The following GRIK3 variants were observed in gnomAD, a reference collection of about 807,000 sequenced individuals.
GRIK3 encodes the protein glutamate ionotropic receptor kainate type subunit 3, also known as glutamate receptor ionotropic, kainate 3.
In GRIK3, 29 loss-of-function variants were observed where a neutral mutation model predicts 102.5. That is an observed-to-expected ratio of 0.28 (90% confidence interval 0.21 to 0.39). The LOEUF (loss-of-function observed/expected upper bound fraction) is 0.39. GRIK3 is among the 10% of genes least tolerant of loss of function. The pLI, the probability that GRIK3 is intolerant of heterozygous loss-of-function variation, is 1.00. For missense variants in GRIK3, 908 were observed against 1,252.4 expected (o/e 0.73, Z 4.15); for synonymous variants, 511 against 504.9 (o/e 1.01, Z -0.16).
chr1:36,985,616 G>A (rs530781723), intron 1 of GRIK3, among the ~76,000 whole-genome samples: 3 of 152,350 alleles, frequency 2.0e-5, no homozygotes, highest in South Asian at 4.1e-4. Context: ...AGGTGTGGCA[G>A]TGGGATGATC....
intron 1 of GRIK3, among the ~76,000 whole-genome samples, chr1:36,917,078 T>C (rs1206733261): frequency 6.6e-6 from 1 of 152,212 alleles, no homozygotes; most frequent in Non-Finnish European, 1.5e-5. Context: ...ACTTACCTCT[T>C]GCATCAGTGT....
intron 1 of GRIK3, among the ~76,000 whole-genome samples, chr1:37,001,413 T>G (rs1642474901): frequency 6.6e-6 from 1 of 152,226 alleles, no homozygotes; most frequent in African/African-American, 2.4e-5. Flanking sequence ...TTCCAGGATG[T>G]TCTGCAGCCA....
intron 2 of GRIK3, among the ~76,000 whole-genome samples, chr1:36,886,564 T>A (rs1271269076): frequency 6.6e-6 from 1 of 152,208 alleles, no homozygotes; most frequent in Non-Finnish European, 1.5e-5. Context: ...GACAGTGGTG[T>A]TGCCAGTCAT....
At chr1:37,021,091 A>T (rs986063249) in intron 1 of GRIK3, among the ~76,000 whole-genome samples, 7 of 144,022 alleles carry the variant, frequency 4.9e-5, no homozygotes, top group Middle Eastern at 3.5e-3. Context: ...CAAATTTGCA[A>T]GTGTGTGTGT....
At chr1:36,871,699 T>C (rs1326560972) in intron 4 of GRIK3, among the ~76,000 whole-genome samples, 3 of 152,200 alleles carry the variant, frequency 2.0e-5, no homozygotes, top group African/African-American at 7.2e-5. Context: ...GAGCAGATGG[T>C]ACGAGAGCCT....
intron 1 of GRIK3, among the ~76,000 whole-genome samples, chr1:36,905,879 A>C (rs1048116728): frequency 1.3e-5 from 2 of 152,230 alleles, no homozygotes; most frequent in Non-Finnish European, 2.9e-5. Context: ...AATGGGGATA[A>C]AAAGTCAGGG....
At chr1:36,980,409 T>C (rs1276011536) in intron 1 of GRIK3, among the ~76,000 whole-genome samples, 6 of 151,620 alleles carry the variant, frequency 4.0e-5, no homozygotes, top group Non-Finnish European at 4.4e-5. Flanking sequence ...CTCACACAGA[T>C]CTTCTCTTTG....
intron 4 of GRIK3, among the ~76,000 whole-genome samples, chr1:36,870,786 T>C (rs1199243516): frequency 6.6e-6 from 1 of 152,180 alleles, no homozygotes; most frequent in Non-Finnish European, 1.5e-5. Flanking sequence ...TACCTATAAA[T>C]TGGGCACAAG....
At chr1:37,010,616 T>C (rs1272099975) in intron 1 of GRIK3, among the ~76,000 whole-genome samples, 1 of 152,126 alleles carries the variant, frequency 6.6e-6, no homozygotes, top group Non-Finnish European at 1.5e-5. Flanking sequence ...GTGTGCAGTG[T>C]CCGGCTGTAA....
At chr1:36,968,837 C>T (rs1642107673) in intron 1 of GRIK3, among the ~76,000 whole-genome samples, 2 of 152,220 alleles carry the variant, frequency 1.3e-5, no homozygotes. Flanking sequence ...CACTGACACC[C>T]CCACCTGGGA....
chr1:36,914,777 C>T (rs1641381445), intron 1 of GRIK3, among the ~76,000 whole-genome samples: 1 of 152,226 alleles, frequency 6.6e-6, no homozygotes, highest in African/African-American at 2.4e-5. Flanking sequence ...TCTGAGGCAT[C>T]AGTGACCGGT....
At chr1:36,841,148 A>C (rs1012674090) in intron 10 of GRIK3, among the ~76,000 whole-genome samples, 1 of 150,014 alleles carries the variant, frequency 6.7e-6, no homozygotes, top group African/African-American at 2.5e-5. Flanking sequence ...TACACCCCCC[A>C]CCCCCTCACC....
At chr1:36,908,817 G>A (rs538310904) in intron 1 of GRIK3, among the ~76,000 whole-genome samples, 1 of 151,676 alleles carries the variant, frequency 6.6e-6, no homozygotes, top group Admixed American at 6.6e-5. Flanking sequence ...GTAGGGAGGG[G>A]TGTGTAAGAT....
At chr1:36,975,288 GTTTTTTTTT>G (rs61125066) in intron 1 of GRIK3, among the ~76,000 whole-genome samples, 3 of 113,372 alleles carry the variant, frequency 2.6e-5, no homozygotes, top group African/African-American at 7.6e-5. Context: ...TCTAAAGTTG[GTTTTTTTTT>G]TTTTTTTTTT....
chr1:36,927,871 C>T (rs1478593739), intron 1 of GRIK3, among the ~76,000 whole-genome samples: 5 of 152,062 alleles, frequency 3.3e-5, no homozygotes, highest in East Asian at 3.9e-4. Flanking sequence ...CCCGGAGCCC[C>T]GGCTTGCCCT....
intron 2 of GRIK3, among the ~76,000 whole-genome samples, chr1:36,886,383 C>T (rs144884455): frequency 1.5e-4 from 23 of 152,284 alleles, no homozygotes; most frequent in African/African-American, 5.3e-4. Flanking sequence ...TTAGAATTTG[C>T]CCCAAGCCCC....
At chr1:36,802,483 A>G (rs937532815) in intron 15 of GRIK3, among the ~76,000 whole-genome samples, 1 of 152,186 alleles carries the variant, frequency 6.6e-6, no homozygotes, top group Admixed American at 6.5e-5. Context: ...TGACGAATGT[A>G]TGGATAAACT....
At chr1:36,859,338 CA>C in intron 6 of GRIK3, 87 bp from the exon 7 acceptor site, 1 of 1,393,040 alleles carries the variant, frequency 7.2e-7, no homozygotes, top group Non-Finnish European at 9.9e-7. Context: ...CCTCCCTTGC[CA>C]CAGGTACATG....
chr1:36,987,923 C>T (rs979305914), intron 1 of GRIK3, among the ~76,000 whole-genome samples: 3 of 152,142 alleles, frequency 2.0e-5, no homozygotes, highest in African/African-American at 7.2e-5. Flanking sequence ...TGGCAAGTGC[C>T]TGCTTTAATA....
Sources: gnomAD v4.1 joint callset for allele counts (sites outside exome capture counted in the v4.1 genomes callset) on GRCh38, gnomAD v4.1.1 for gene constraint, MANE v1.5 for transcripts, NCBI Gene and HGNC (gene_info 2026-07-23, HGNC 2026-07-21) for gene names.